The following CALCOCO1 variants were observed in gnomAD, a reference collection of about 807,000 sequenced individuals.
CALCOCO1 encodes calcium-binding and coiled-coil domain-containing protein 1.
Under a neutral mutation model 86.3 loss-of-function variants are expected in CALCOCO1, and 44 were observed. The ratio of observed to expected loss-of-function variants is 0.51; its 90% CI spans 0.40 to 0.66. The LOEUF is 0.66. Among genes scored for constraint, CALCOCO1 ranks in the 30% least tolerant of loss-of-function variants. The pLI is 0.00. For synonymous variants in CALCOCO1, 297 were observed against 327.6 expected, an observed-to-expected ratio of 0.91 and a Z score of 1.01; for missense variants, 708 against 851.1, an observed-to-expected ratio of 0.83 and a Z score of 2.09.
rs1945560841 is a variant in CALCOCO1, at chr12:53,711,853, G to T, written c.*91C>A. 1 of 1,114,652 alleles carries T rather than the reference G, an allele frequency of 9.0e-7. No individual in the cohort carries two copies. Among genetic ancestry groups the T allele is most frequent in the East Asian group, 3.0e-5 (1 of 33,010 alleles). 69.0% of individuals were successfully genotyped at this position (1,114,652 alleles called of 1,614,324 possible). ...AACAGAATATCATGGAGCCCAGTGTGATAGAAAATGGGCATGAAACCTAAG... is the reference window on the plus strand; with the variant it reads ...AACAGAATATCATGGAGCCCAGTGTTATAGAAAATGGGCATGAAACCTAAG... On this transcript the variant is annotated 3_prime_UTR_variant, in exon 15 of 15. Transcript: ENST00000550804.
intron 10 of CALCOCO1, 50 bp from the exon 11 acceptor site, chr12:53,714,743 G>T (rs1484416771): frequency 1.5e-6 from 2 of 1,373,416 alleles, no homozygotes; most frequent in South Asian, 1.2e-5. Flanking sequence ...GTACCTCCAA[G>T]AACCTGGACT....
chr12:53,723,422 C>T (rs186686709), intron 4 of CALCOCO1, 171 bp downstream of exon 4: 43 of 654,924 alleles, frequency 6.6e-5, no homozygotes, highest in Non-Finnish European at 9.6e-5. Flanking sequence ...CTTACATGTT[C>T]GTGTATGTCT....
chr12:53,718,097 T>C (rs1455573276), intron 7 of CALCOCO1, among the ~76,000 whole-genome samples: 1 of 152,202 alleles, frequency 6.6e-6, no homozygotes, highest in Non-Finnish European at 1.5e-5. Context: ...AATTGACATA[T>C]GTTTCCAGGT....
chr12:53,716,429 A>T lies in CALCOCO1; in HGVS notation c.850-14T>A, dbSNP rs1301163818. 6.2e-7 allele frequency: 1 copy of T among 1,614,166 alleles called. No homozygotes were observed. The highest frequency in any genetic ancestry group is 8.5e-7 in the Non-Finnish European group (1 of 1,180,008). On this transcript the variant is annotated splice_polypyrimidine_tract_variant and intron_variant, in intron 7 of 14. Transcript: ENST00000550804. ...TTGGAGCTCAGCCTGAGGGAAGTGG[A>T]AAGCAGGTAAGGAAAGGGGTATGTG...
chr12:53,722,075 C>A lies in CALCOCO1; in HGVS notation c.559G>T (p.Ala187Ser). 1 of 1,613,884 alleles carries A rather than the reference C, an allele frequency of 6.2e-7. No homozygotes were observed. Among genetic ancestry groups the A allele is most frequent in the Non-Finnish European group, 8.5e-7 (1 of 1,180,044 alleles). ...TGCTCCTGCCTGGCAGTTGCCAGAG[C>A]CCTCTCGAGCTCCTGCACTCGGCTC... ...LRSRVQELER[A>S]LATARQEHTE... is the part of the protein sequence containing the mutation. Residue 187 changes from alanine (A) to serine (S), a missense_variant, in exon 5 of 15, where the codon GCT (alanine) becomes TCT (serine). Ala to Ser is a moderately conservative substitution (Grantham distance 99). Coordinates refer to ENST00000550804, the MANE Select transcript of CALCOCO1 (RefSeq NM_020898.3).
At chr12:53,725,835 T>G (rs1593098749) in intron 1 of CALCOCO1, 1 of 152,342 alleles carries the variant, frequency 6.6e-6, no homozygotes, top group African/African-American at 2.4e-5. Context: ...ATCCTTAGGC[T>G]CCTGAGCTCT....
rs1945510897 is a variant in CALCOCO1 at position 53,709,459 on chromosome 12, AC to A, written c.*2484del. 6.6e-6 allele frequency: 1 copy of A among 152,298 alleles called. No individual in the cohort carries two copies. The highest frequency in any genetic ancestry group is 2.1e-4 in the South Asian group (1 of 4,820). The allele number at this position is 152,298 out of a possible 1,614,324, so 9.4% of individuals were successfully genotyped here. ...AAACTGCAAATTGCATGCCAGAAAGACACACAAAGGGCAGAGAAAGGAGCAG... is the reference window on the plus strand; with the variant it reads ...AAACTGCAAATTGCATGCCAGAAAGAACACAAAGGGCAGAGAAAGGAGCAG... On this transcript the variant is annotated 3_prime_UTR_variant, in exon 15 of 15. Transcript: ENST00000550804.
Position 53,713,702 on chromosome 12 carries a change from G to A in CALCOCO1, c.1790C>T (p.Ser597Leu), listed in dbSNP as rs1255977461. ...TGCACAGGCTCCTCCACTGCTCACC[G>A]AGTCAGAGCTACTGTCCTCAGCTGG... ...SGPAEDSSSD[S>L]EAEDEKSVLM... Residue 597 changes from serine to leucine, a missense_variant and splice_region_variant, in exon 13 of 15, where the codon TCG (serine) becomes TTG (leucine). By Grantham distance (145) the Ser-to-Leu change is moderately radical (BLOSUM62 -2). Coordinates refer to ENST00000550804, the MANE Select transcript of CALCOCO1 (RefSeq NM_020898.3). The A allele has an allele frequency of 1.3e-6, 2 of 1,533,384 alleles. No individual in the cohort carries two copies. Among genetic ancestry groups the A allele is most frequent in the East Asian group, 2.3e-5 (1 of 43,898 alleles). The allele number at this position is 1,533,384 out of a possible 1,614,324, so 95.0% of individuals were successfully genotyped here. A position where few individuals can be genotyped will look rare whatever the true frequency, so the allele number is the denominator to read the frequency against.
chr12:53,717,979 C>T lies in CALCOCO1; in HGVS notation c.850-1564G>A, dbSNP rs556813417. 6.6e-5 allele frequency among the ~76,000 whole-genome samples: 10 copies of T among 152,242 alleles called. No homozygotes were observed. In the South Asian group the frequency reaches 1.0e-3, roughly 16 times the overall value. On this transcript the variant is annotated intron_variant, in intron 7 of 14. Transcript: ENST00000550804. ...GGCAGAAGTTGCAGTGAGCCGAGAT[C>T]GCGCCACTGCACTCCAGCCTGGGCA...
rs1945662274 is a variant in CALCOCO1, at chr12:53,714,166, T to G, written c.1558A>C (p.Thr520Pro). 1 of 1,613,434 alleles carries G rather than the reference T, an allele frequency of 6.2e-7. No individual in the cohort carries two copies. Among genetic ancestry groups the G allele is most frequent in the Non-Finnish European group, 8.5e-7 (1 of 1,179,904 alleles). Reference protein sequence around the residue: ...VADEKWNEDATTEDEEAAVGL... With the variant: ...VADEKWNEDAPTEDEEAAVGL... The stretch of plus-strand genomic sequence containing the variant: ...ACAGCGGCCTCCTCATCCTCTGTGG[T>G]GGCATCCTCATTCCACTTCTCATCT... Residue 520 changes from threonine to proline, a missense_variant, in exon 12 of 15, where the codon ACC (threonine) becomes CCC (proline). Thr to Pro is a conservative substitution (Grantham distance 38, BLOSUM62 -1). Coordinates refer to ENST00000550804, the MANE Select transcript of CALCOCO1 (RefSeq NM_020898.3).
At chr12:53,727,181 G>GGAGAGGACGAC (rs1946059499) in intron 1 of CALCOCO1, among the ~76,000 whole-genome samples, 1 of 152,114 alleles carries the variant, frequency 6.6e-6, no homozygotes, top group Non-Finnish European at 1.5e-5. Flanking sequence ...TTGAGAAGAA[G>GGAGAGGACGAC]GAGAGGACGA....
At chr12:53,712,793 G>A in intron 14 of CALCOCO1, 5 of 1,372,460 alleles carry the variant, frequency 3.6e-6, no homozygotes, top group Non-Finnish European at 4.8e-6. Flanking sequence ...TGGGGAAGGG[G>A]TAGAGGCAGG....
chr12:53,726,950 G>A (rs975563809), intron 1 of CALCOCO1, among the ~76,000 whole-genome samples: 4 of 152,278 alleles, frequency 2.6e-5, no homozygotes, highest in Admixed American at 2.6e-4. Context: ...TTCACATGAT[G>A]GGGCGGAGAG....
chr12:53,722,046 C>T lies in CALCOCO1; in HGVS notation c.588G>A (p.Thr196=), dbSNP rs144845004. The change falls in exon 5 of 15, where the codon ACG becomes ACA. Residue 196 remains threonine, a synonymous_variant. Transcript: ENST00000550804. ...CCACCTTGTACTGTTCCATCAGCTC[C>T]GTGTGCTCCTGCCTGGCAGTTGCCA... ...RALATARQEH[T]ELMEQYKGIS... 1.1e-5 allele frequency: 17 copies of T among 1,613,438 alleles called. No individual in the cohort carries two copies. Among genetic ancestry groups the T allele is most frequent in the South Asian group, 6.6e-5 (6 of 91,070 alleles).
At position 53,715,781 on chromosome 12, in the gene CALCOCO1, C is replaced by T. The variant is rs774948665; in HGVS notation, c.1260+12G>A. On this transcript the variant is annotated intron_variant, in intron 9 of 14. Transcript: ENST00000550804. ...TGGCCATCAGATTGCCAGGTACCCC[C>T]CATCCCTCTACCTCCACACTCTGCA... 1.2e-6 allele frequency: 2 copies of T among 1,609,984 alleles called. No individual in the cohort carries two copies. Among genetic ancestry groups the T allele is most frequent in the Non-Finnish European group, 1.7e-6 (2 of 1,178,746 alleles).
In CALCOCO1 at chr12:53,721,627, T is replaced by C. The variant is rs769171985; in HGVS notation, c.610-12A>G. The C allele has an allele frequency of 6.2e-7, 1 of 1,613,880 alleles. No homozygotes were observed. Among genetic ancestry groups the C allele is most frequent in the Non-Finnish European group, 8.5e-7 (1 of 1,179,930 alleles). On this transcript the variant is annotated splice_polypyrimidine_tract_variant and intron_variant, in intron 5 of 14. Transcript: ENST00000550804. ...GACCGGGAAATCCCCTGAAATTAAGTTTCCCCCAGAAGAAAAGGGAGGTTG... is the reference window on the plus strand; with the variant it reads ...GACCGGGAAATCCCCTGAAATTAAGCTTCCCCCAGAAGAAAAGGGAGGTTG...
Position 53,711,894 on chromosome 12 carries a change from G to C in CALCOCO1, c.*50C>G, listed in dbSNP as rs966761502. ...GAAACCTAAGTGTATGCATGTGTGT[G>C]AGTGTGTGTGTGCATGAGTGTGTAT... is the stretch of plus-strand genomic sequence containing the variant. On this transcript the variant is annotated 3_prime_UTR_variant, in exon 15 of 15. Transcript: ENST00000550804. 2 of 1,454,946 alleles carry C rather than the reference G, an allele frequency of 1.4e-6. No individual in the cohort carries two copies. Among genetic ancestry groups the C allele is most frequent in the Admixed American group, 2.4e-5 (1 of 41,868 alleles). 90.1% of individuals were successfully genotyped at this position (1,454,946 alleles called of 1,614,324 possible). A position where few individuals can be genotyped will look rare whatever the true frequency, so the allele number is the denominator to read the frequency against.
chr12:53,723,431 CTA>C, intron 4 of CALCOCO1, 160 bp downstream of exon 4: 1 of 688,660 alleles, frequency 1.5e-6, no homozygotes, highest in Non-Finnish European at 2.5e-6. Context: ...TCGTGTATGT[CTA>C]TGTTAGACTG....
At position 53,719,738 on chromosome 12, in the gene CALCOCO1, C is replaced by G. The variant is rs750508371; in HGVS notation, c.849+1G>C. The G allele has an allele frequency of 1.2e-6, 2 of 1,610,982 alleles. No individual in the cohort carries two copies. The highest frequency in any genetic ancestry group is 1.3e-5 in the African/African-American group (1 of 74,964). On this transcript the variant is annotated splice_donor_variant, in intron 7 of 14. Coordinates refer to ENST00000550804, the MANE Select transcript of CALCOCO1 (RefSeq NM_020898.3). LOFTEE classifies it high-confidence loss of function. The stretch of plus-strand genomic sequence containing the variant: ...AAGCAAATCAACTCTGAGCCCCTTA[C>G]CTCACTTTGCTCCTTGTCTGCTTGT...
Sources: allele counts gnomAD v4.1 joint callset (sites outside exome capture counted in the v4.1 genomes callset), GRCh38; gene constraint gnomAD v4.1.1; transcripts MANE v1.5; gene names NCBI Gene and HGNC (gene_info 2026-07-23, HGNC 2026-07-21).